Variants in MFSD12 observed in about 807,000 individuals in gnomAD.
MFSD12 encodes the protein major facilitator superfamily domain-containing protein 12.
MFSD12 carries 67 observed loss-of-function variants against 51.2 expected under a neutral mutation model. The observed-to-expected ratio is 1.31, with a 90% confidence interval of 1.08 to 1.60. The LOEUF (loss-of-function observed/expected upper bound fraction) is 1.60, where lower values mean the gene tolerates loss of function less well. MFSD12 is among the 40% of genes most tolerant of loss of function. MFSD12 has a pLI of 0.00. For synonymous variants in MFSD12, 441 were observed against 316.7 expected, an observed-to-expected ratio of 1.39 and a Z score of -4.17; for missense variants, 921 against 673.0, an observed-to-expected ratio of 1.37 and a Z score of -4.08.
At chr19:3,544,960 T>C (rs932220464) in intron 8 of MFSD12, 21 bp from the exon 9 acceptor site, 3 of 1,594,102 alleles carry the variant, frequency 1.9e-6, no homozygotes, top group South Asian at 1.1e-5. Flanking sequence ...AGGCGGGGGA[T>C]GAGTAGGCAC....
rs139363353 is a variant in MFSD12 at position 3,551,543 on chromosome 19, G to A, written c.299-349C>T. 3.9e-3 allele frequency among the ~76,000 whole-genome samples: 595 copies of A among 152,230 alleles called. 2 individuals carry two copies. The highest frequency in any genetic ancestry group is 6.8e-3 in the Middle Eastern group (2 of 294). ...CTATCAAGCCTCCCATAGGGCCTCG[G>A]GGAGCGGGAGGCCCAGGTGGGCCTG... On this transcript the variant is annotated intron_variant, in intron 1 of 9. Coordinates refer to ENST00000355415, the MANE Select transcript of MFSD12 (RefSeq NM_174983.5). The surrounding 1 kb of genome is among the most constrained non-coding windows in gnomAD (Gnocchi z 4.6).
chr19:3,543,614 C>T (rs773198177), downstream of MFSD12: 9 of 1,544,928 alleles, frequency 5.8e-6, no homozygotes, highest in Admixed American at 3.9e-5. Flanking sequence ...TGCCCAGTAC[C>T]AGGCCCCCAG....
intron 1 of MFSD12, among the ~76,000 whole-genome samples, chr19:3,555,023 C>T (rs2031663410): frequency 6.6e-6 from 1 of 152,188 alleles, no homozygotes. Flanking sequence ...GCCTTGGTGT[C>T]CGGTTGGACC....
rs1488315796 is a variant in MFSD12, at chr19:3,544,618, G to C, written c.*92C>G. 1.3e-6 allele frequency: 2 copies of C among 1,514,204 alleles called. No individual in the cohort carries two copies. The highest frequency in any genetic ancestry group is 1.8e-6 in the Non-Finnish European group (2 of 1,131,206). 93.8% of individuals were successfully genotyped at this position (1,514,204 alleles called of 1,614,324 possible). ...GGAGGGTGGGGGTCCAGAGAAGAGT[G>C]AGGGGCAGTGGGGGCTTTTCCCCAA... On this transcript the variant is annotated 3_prime_UTR_variant, in exon 10 of 10. Transcript: ENST00000355415.
downstream of MFSD12, among the ~76,000 whole-genome samples, chr19:3,541,392 A>G (rs1224196634): frequency 6.7e-6 from 1 of 149,092 alleles, no homozygotes; most frequent in Non-Finnish European, 1.5e-5. Flanking sequence ...GAATGATCTC[A>G]GCTCACTGCA....
Position 3,546,087 on chromosome 19 carries a change from G to A in MFSD12, c.1276C>T (p.Leu426=), listed in dbSNP as rs186841712. Residue 426 remains leucine (L), a synonymous_variant, in exon 8 of 10, where the codon CTG becomes TTG. Transcript: ENST00000355415. ...AGCGGCACTCACGGGCAAGGGTGCA[G>A]GCTCTGGATGGCCATGACTGCCAGC... ...NGLAVMAIQS[L]HPCPSELCCR... is the part of the protein sequence containing the mutation. 1.2e-6 allele frequency: 2 copies of A among 1,613,384 alleles called. No homozygotes were observed. Among genetic ancestry groups the A allele is most frequent in the East Asian group, 2.2e-5 (1 of 44,886 alleles).
At chr19:3,540,103 T>A (rs2030245574), downstream of MFSD12, 1 of 147,240 alleles carries the variant, frequency 6.8e-6, no homozygotes, top group South Asian at 2.2e-4. Flanking sequence ...TTTTTTTTTT[T>A]TTTTTTTTTT....
At chr19:3,540,262 TTTG>T (rs1191177400), downstream of MFSD12, among the ~76,000 whole-genome samples, 2 of 145,260 alleles carry the variant, frequency 1.4e-5, no homozygotes, top group African/African-American at 5.7e-5. Flanking sequence ...CCAGCTAATT[TTTG>T]TTTTTTTTTT....
chr19:3,555,871 C>T (rs1337364912), intron 1 of MFSD12, among the ~76,000 whole-genome samples: 2 of 152,316 alleles, frequency 1.3e-5, no homozygotes, highest in Admixed American at 6.5e-5. Context: ...GGAAGGAGGC[C>T]GGCTAATCTT....
rs147903648 is a variant in MFSD12 at position 3,546,058 on chromosome 19, G to T, written c.1289+16C>A. On this transcript the variant is annotated intron_variant, in intron 8 of 9. Coordinates refer to ENST00000355415, the MANE Select transcript of MFSD12 (RefSeq NM_174983.5). ...TTACTGAACAAAAGAATGAATGAAC[G>T]AACAGCGGCACTCACGGGCAAGGGT... 27 of 1,611,968 alleles carry T rather than the reference G, an allele frequency of 1.7e-5. No individual in the cohort carries two copies. The highest frequency in any genetic ancestry group is 2.2e-5 in the Non-Finnish European group (26 of 1,178,872).
downstream of MFSD12, chr19:3,542,443 G>A: frequency 3.0e-6 from 3 of 985,340 alleles, no homozygotes; most frequent in Non-Finnish European, 3.6e-6. Context: ...ATTCCCAAGA[G>A]CAAGGTCAAA....
At position 3,546,099 on chromosome 19, in the gene MFSD12, C is replaced by G. The variant is rs200819700; in HGVS notation, c.1264G>C (p.Ala422Pro). Reference sequence around the variant, plus strand: ...GGGCAAGGGTGCAGGCTCTGGATGGCCATGACTGCCAGCCCATTGGCCACC... The same window carrying G: ...GGGCAAGGGTGCAGGCTCTGGATGGGCATGACTGCCAGCCCATTGGCCACC... ...DKVANGLAVM[A>P]IQSLHPCPSE... Residue 422 changes from alanine (A) to proline (P), a missense_variant, in exon 8 of 10, where the codon GCC (alanine) becomes CCC (proline). Ala to Pro is a conservative substitution (Grantham distance 27). Coordinates refer to ENST00000355415, the MANE Select transcript of MFSD12 (RefSeq NM_174983.5). The G allele has an allele frequency of 1.9e-6, 3 of 1,613,408 alleles. No individual in the cohort carries two copies. Among genetic ancestry groups the G allele is most frequent in the Non-Finnish European group, 2.5e-6 (3 of 1,179,992 alleles).
intron 1 of MFSD12, among the ~76,000 whole-genome samples, chr19:3,554,685 C>T (rs187951702): frequency 6.6e-6 from 1 of 152,208 alleles, no homozygotes; most frequent in African/African-American, 2.4e-5. Flanking sequence ...CCTTCTGAAG[C>T]CCATTTGTGC....
At chr19:3,546,607 T>C (rs2031080258) in intron 6 of MFSD12, among the ~76,000 whole-genome samples, 182 bp from the exon 7 acceptor site, 1 of 152,276 alleles carries the variant, frequency 6.6e-6, no homozygotes. Flanking sequence ...GCCAGAGCTG[T>C]GCTCTCTGTC....
At chr19:3,557,056 GCGGAGTCT>G in intron 1 of MFSD12, 42 bp downstream of exon 1, 2 of 1,340,368 alleles carry the variant, frequency 1.5e-6, no homozygotes, top group Non-Finnish European at 1.9e-6. Context: ...CGCCCGGGTC[GCGGAGTCT>G]CGGAGGGGCT....
At chr19:3,546,047 A>G (rs748213602) in intron 8 of MFSD12, 27 bp downstream of exon 8, 141 of 1,610,406 alleles carry the variant, frequency 8.8e-5, no homozygotes, top group Non-Finnish European at 1.2e-4. Flanking sequence ...TGAACAAAAG[A>G]ATGAATGAAC....
Position 3,544,665 on chromosome 19 carries a change from G to A in MFSD12, c.*45C>T, listed in dbSNP as rs759947081. 36 of 1,557,310 alleles carry A rather than the reference G, an allele frequency of 2.3e-5. 1 individual carries two copies. In the South Asian group the frequency reaches 3.5e-4, roughly 15 times the overall value. On this transcript the variant is annotated 3_prime_UTR_variant, in exon 10 of 10. Coordinates refer to ENST00000355415, the MANE Select transcript of MFSD12 (RefSeq NM_174983.5). ...CCAAGGCCCTGGGGGGCATCCTCGT[G>A]CGTCCCCACAGTTCCCTTGCACAGG...
At chr19:3,543,493 C>T, downstream of MFSD12, 1 of 1,520,858 alleles carries the variant, frequency 6.6e-7, no homozygotes, top group South Asian at 1.2e-5. Flanking sequence ...CCCCCCCCCG[C>T]CCTGGGCAGC....
At position 3,557,499 on chromosome 19, in the gene MFSD12, C is replaced by T. The variant is rs2031797991; in HGVS notation, c.-96G>A. 6 of 756,322 alleles carry T rather than the reference C, an allele frequency of 7.9e-6. No homozygotes were observed. 46.9% of individuals were successfully genotyped at this position (756,322 alleles called of 1,614,324 possible). ...CCGTGGGGGCAGGCGCCGGGGACCCCCACCACGCGCCGGGCACCCCGCGTC... is the reference window on the plus strand; with the variant it reads ...CCGTGGGGGCAGGCGCCGGGGACCCTCACCACGCGCCGGGCACCCCGCGTC... On this transcript the variant is annotated 5_prime_UTR_variant, in exon 1 of 10. Transcript: ENST00000355415.
Sources: gnomAD v4.1 joint callset for allele counts (sites outside exome capture counted in the v4.1 genomes callset) on GRCh38, gnomAD v4.1.1 for gene constraint, Gnocchi (gnomAD v3.1) non-coding constraint, MANE v1.5 for transcripts, NCBI Gene and HGNC (gene_info 2026-07-23, HGNC 2026-07-21) for gene names.